DGKI: variants seen among roughly 807,000 people sequenced by gnomAD.
DGKI encodes the protein DAG kinase iota.
In DGKI, 55 loss-of-function variants were observed where a neutral mutation model predicts 147.5. The ratio of observed to expected loss-of-function variants is 0.37; its 90% CI spans 0.30 to 0.47. DGKI has a LOEUF of 0.47. Ranked by LOEUF, DGKI falls within the 20% of genes least tolerant of loss-of-function variation. DGKI has a pLI of 1.00. For missense variants in DGKI, 1,007 were observed against 1,323.8 expected, an observed-to-expected ratio of 0.76 and a Z score of 3.71; for synonymous variants, 469 against 477.1, an observed-to-expected ratio of 0.98 and a Z score of 0.22.
At chr7:137,676,579 A>AT (rs1409043276) in intron 3 of DGKI, among the ~76,000 whole-genome samples, 2 of 151,998 alleles carry the variant, frequency 1.3e-5, no homozygotes, top group Non-Finnish European at 2.9e-5. Flanking sequence ...TTTAACCAAC[A>AT]TTTTTTTGGA....
intron 19 of DGKI, among the ~76,000 whole-genome samples, chr7:137,555,377 T>C (rs932227583): frequency 6.6e-6 from 1 of 151,814 alleles, no homozygotes; most frequent in African/African-American, 2.4e-5. Context: ...AATTTAAAAA[T>C]CAGCTGAGGA....
chr7:137,644,676 T>A (rs1416905845), intron 6 of DGKI, among the ~76,000 whole-genome samples: 1 of 152,130 alleles, frequency 6.6e-6, no homozygotes, highest in Admixed American at 6.5e-5. Context: ...AATCAAAACT[T>A]CCCTTTACTG....
chr7:137,741,580 G>A (rs1795174064), intron 1 of DGKI, among the ~76,000 whole-genome samples: 1 of 152,158 alleles, frequency 6.6e-6, no homozygotes, highest in Non-Finnish European at 1.5e-5. Flanking sequence ...ATGGTGTGGT[G>A]CTCTAAGAGC....
chr7:137,690,442 A>G (rs952997467), intron 1 of DGKI, among the ~76,000 whole-genome samples: 2 of 152,170 alleles, frequency 1.3e-5, no homozygotes, highest in Admixed American at 1.3e-4. Context: ...AGCATTCTCC[A>G]AGCTGGTTAC....
chr7:137,742,363 T>C (rs1240924095), intron 1 of DGKI, among the ~76,000 whole-genome samples: 2 of 151,724 alleles, frequency 1.3e-5, no homozygotes, highest in African/African-American at 4.8e-5. Flanking sequence ...CCTTCCTAGG[T>C]AGGGCCCCTT....
intron 5 of DGKI, among the ~76,000 whole-genome samples, chr7:137,647,264 T>C (rs935511327): frequency 3.3e-5 from 5 of 152,206 alleles, no homozygotes; most frequent in African/African-American, 9.6e-5. Flanking sequence ...TGTTGAAATA[T>C]TGAAATATAT....
chr7:137,724,485 T>C (rs1585412968), intron 1 of DGKI, among the ~76,000 whole-genome samples: 1 of 151,960 alleles, frequency 6.6e-6, no homozygotes, highest in African/African-American at 2.4e-5. Flanking sequence ...TGGATTGGAG[T>C]GGTAACTGTG....
rs372003704 is a variant in DGKI at position 137,634,033 on chromosome 7, C to T, written c.805-10479G>A. Among the ~76,000 whole-genome samples, 3 of 152,184 alleles carry T rather than the reference C, an allele frequency of 2.0e-5. No individual in the cohort carries two copies. In the South Asian group the frequency reaches 6.2e-4, roughly 32 times the overall value. ...GCCCTATGAAGAGTCAGGGGTCCCC[C>T]ATGTCAATGAAGCTTCTAGGGGTCA... is the stretch of plus-strand genomic sequence containing the variant. On this transcript the variant is annotated intron_variant, in intron 6 of 32. Transcript: ENST00000614521.
intron 21 of DGKI, among the ~76,000 whole-genome samples, chr7:137,513,311 C>T (rs546949975): frequency 1.2e-3 from 180 of 152,238 alleles, no homozygotes; most frequent in African/African-American, 4.1e-3. Context: ...CACCAGGTTC[C>T]ATCTTACCAC....
chr7:137,824,447 T>TA (rs1797995711), intron 1 of DGKI, among the ~76,000 whole-genome samples: 1 of 142,858 alleles, frequency 7.0e-6, no homozygotes, highest in African/African-American at 2.7e-5. Flanking sequence ...ACCTTGGAAA[T>TA]AGAGATTGCA....
At chr7:137,452,153 G>A (rs1184610432) in intron 27 of DGKI, among the ~76,000 whole-genome samples, 1 of 152,212 alleles carries the variant, frequency 6.6e-6, no homozygotes, top group African/African-American at 2.4e-5. Flanking sequence ...ATCACCTGGT[G>A]GGGAGTTGGC....
chr7:137,419,500 G>C lies in DGKI; in HGVS notation c.2762-7293C>G, dbSNP rs73459140. Among the ~76,000 whole-genome samples the C allele has an allele frequency of 8.8e-3, 1,334 of 152,258 alleles. 12 individuals are homozygous for C. Among genetic ancestry groups the C allele is most frequent in the African/African-American group, 0.031 (1,271 of 41,530 alleles). On this transcript the variant is annotated intron_variant, in intron 28 of 32. Coordinates refer to ENST00000614521, the MANE Select transcript of DGKI (RefSeq NM_001321708.2). The stretch of plus-strand genomic sequence containing the variant: ...AATTTTTCTATTTTGTGAGCAGCCA[G>C]CCATGGTACATGAGCAACAAACTGT...
rs1298915893 is a variant in DGKI, at chr7:137,810,360, GA to G, written c.401+36101del. Among the ~76,000 whole-genome samples, 7 of 150,574 alleles carry G rather than the reference GA, an allele frequency of 4.6e-5. No homozygotes were observed. In the East Asian group the frequency reaches 5.9e-4, roughly 13 times the overall value. The stretch of plus-strand genomic sequence containing the variant: ...TTAATGGCTGGTACAAGGAAATACA[GA>G]AAAAAAAATTAAGGAAAAGAAAACG... On this transcript the variant is annotated intron_variant, in intron 1 of 32. Coordinates refer to ENST00000614521, the MANE Select transcript of DGKI (RefSeq NM_001321708.2).
At chr7:137,643,205 G>A (rs141367365) in intron 6 of DGKI, among the ~76,000 whole-genome samples, 2 of 146,420 alleles carry the variant, frequency 1.4e-5, no homozygotes, top group South Asian at 2.2e-4. Context: ...GCAGGAGAAT[G>A]GCATGAACCT....
At chr7:137,401,172 T>C (rs1811743593) in intron 30 of DGKI, among the ~76,000 whole-genome samples, 1 of 152,082 alleles carries the variant, frequency 6.6e-6, no homozygotes. Flanking sequence ...CCTGTGATTT[T>C]TGAAAAGTTA....
At chr7:137,616,936 T>C (rs565754083) in intron 8 of DGKI, among the ~76,000 whole-genome samples, 1 of 151,896 alleles carries the variant, frequency 6.6e-6, no homozygotes, top group East Asian at 1.9e-4. Context: ...CAACCCCTAA[T>C]GCAATAATAG....
chr7:137,736,204 T>C (rs1030372074), intron 1 of DGKI, among the ~76,000 whole-genome samples: 3 of 152,134 alleles, frequency 2.0e-5, no homozygotes, highest in African/African-American at 7.2e-5. Flanking sequence ...AATCTCTTAA[T>C]AAATGTCCAA....
In DGKI at chr7:137,590,035, G is replaced by GA. The variant is rs771831510; in HGVS notation, c.1312-2826dup. ...CAATGATAGAAAAGAAAAAAAGAAA[G>GA]AAAAAAAAAAAAGACGCAGCTTCAA... On this transcript the variant is annotated intron_variant, in intron 12 of 32. Coordinates refer to ENST00000614521, the MANE Select transcript of DGKI (RefSeq NM_001321708.2). Among the ~76,000 whole-genome samples, 1,199 of 127,492 alleles carry GA rather than the reference G, an allele frequency of 9.4e-3. 4 individuals are homozygous for GA. The highest frequency in any genetic ancestry group is 0.015 in the South Asian group (60 of 3,890). The allele number at this position is 127,492 out of a possible 152,430, so 83.6% of individuals were successfully genotyped here.
At chr7:137,694,872 T>C (rs1195734010) in intron 1 of DGKI, among the ~76,000 whole-genome samples, 1 of 152,226 alleles carries the variant, frequency 6.6e-6, no homozygotes, top group Non-Finnish European at 1.5e-5. Context: ...CTCTGATTTA[T>C]GTCAGGGAAC....
Sources: allele counts gnomAD v4.1 joint callset (sites outside exome capture counted in the v4.1 genomes callset), GRCh38; gene constraint gnomAD v4.1.1; transcripts MANE v1.5; gene names NCBI Gene and HGNC (gene_info 2026-07-23, HGNC 2026-07-21).